The following RGS6 variants were observed in gnomAD, a reference collection of about 807,000 sequenced individuals.
The protein encoded by RGS6 is regulator of G protein signaling 6, also known as regulator of G-protein signaling 6.
Under a neutral mutation model 78.5 loss-of-function variants are expected in RGS6, and 30 were observed. The observed-to-expected ratio is 0.38, with a 90% CI of 0.29 to 0.52. The LOEUF is 0.52. Ranked by LOEUF, RGS6 falls within the 20% of genes least tolerant of loss-of-function variation. The probability of loss-of-function intolerance (pLI) is 0.85; values close to 1 mark genes in which losing one functional copy is unlikely to be tolerated. For missense variants in RGS6, 495 were observed against 609.7 expected (o/e 0.81, Z 1.98); for synonymous variants, 206 against 206.0 (o/e 1.00, Z 0.00).
At chr14:71,928,984 C>A (rs1163010004), upstream of RGS6, among the ~76,000 whole-genome samples, 1 of 151,958 alleles carries the variant, frequency 6.6e-6, no homozygotes, top group Non-Finnish European at 1.5e-5. Flanking sequence ...GTTTTTTAAC[C>A]TTTCATTTTG....
At chr14:72,400,487 G>A (rs1424437887) in intron 3 of RGS6, among the ~76,000 whole-genome samples, 1 of 152,162 alleles carries the variant, frequency 6.6e-6, no homozygotes, top group Non-Finnish European at 1.5e-5. Context: ...AATACTTTGT[G>A]TAAGGCACCT....
At chr14:72,620,052 G>A in the RGS6 span, 296 of 1,429,514 alleles carry the variant, frequency 2.1e-4, no homozygotes, top group African/African-American at 3.6e-3. Flanking sequence ...TCTGGCCCCC[G>A]CTTACCCATC....
intron 2 of RGS6, among the ~76,000 whole-genome samples, chr14:72,109,681 C>T (rs2153543145): frequency 6.6e-6 from 1 of 152,286 alleles, no homozygotes; most frequent in Middle Eastern, 3.4e-3. Context: ...TTTAGATTGA[C>T]TTACAGTATA....
chr14:71,889,677 C>A, the RGS6 span, among the ~76,000 whole-genome samples: 2 of 152,120 alleles, frequency 1.3e-5, no homozygotes, highest in South Asian at 2.1e-4. Context: ...CTGGTGATAA[C>A]TTTTCTATGT....
At chr14:72,624,727 A>G in the RGS6 span, among the ~76,000 whole-genome samples, 1 of 152,034 alleles carries the variant, frequency 6.6e-6, no homozygotes, top group Non-Finnish European at 1.5e-5. Flanking sequence ...TCAATCTGTG[A>G]CAGTTCCTCA....
Position 72,458,351 on chromosome 14 carries a change from G to T in RGS6, c.316G>T (p.Asp106Tyr). 1 of 1,614,108 alleles carries T rather than the reference G, an allele frequency of 6.2e-7. No individual in the cohort carries two copies. Among genetic ancestry groups the T allele is most frequent in the Non-Finnish European group, 8.5e-7 (1 of 1,179,986 alleles). The change falls in exon 5 of 18, where the codon GAT becomes TAT. Residue 106 changes from aspartate (D) to tyrosine (Y), a missense_variant. Transcript: ENST00000553525. ...CTCAGACCATGTTCTCACCATGAAGGATGATGGCACCTTTTATCGTTTCCA... is the reference window on the plus strand; with the variant it reads ...CTCAGACCATGTTCTCACCATGAAGTATGATGGCACCTTTTATCGTTTCCA... ...PISDHVLTMK[D>Y]DGTFYRFQAP...
intron 14 of RGS6, among the ~76,000 whole-genome samples, chr14:72,514,362 G>A (rs1172867753): frequency 6.6e-6 from 1 of 152,216 alleles, no homozygotes. Context: ...TGGTGACTGA[G>A]GGCCTGCCCA....
chr14:72,334,998 G>T (rs2075773466), intron 2 of RGS6, among the ~76,000 whole-genome samples: 1 of 152,108 alleles, frequency 6.6e-6, no homozygotes, highest in South Asian at 2.1e-4. Flanking sequence ...AAGGGACCCA[G>T]TGGGAGGTAA....
chr14:72,175,545 A>G (rs2097093555), intron 2 of RGS6, among the ~76,000 whole-genome samples: 1 of 152,194 alleles, frequency 6.6e-6, no homozygotes, highest in Non-Finnish European at 1.5e-5. Context: ...ATGAAATGAG[A>G]CACATTCCTC....
downstream of RGS6, among the ~76,000 whole-genome samples, chr14:72,566,785 T>G (rs2097713314): frequency 1.3e-5 from 2 of 152,074 alleles, no homozygotes; most frequent in African/African-American, 4.8e-5. Context: ...GGTGTCACCA[T>G]AAGGCTGAAG....
At chr14:72,542,452 G>A (rs1186051504) in intron 17 of RGS6, among the ~76,000 whole-genome samples, 1 of 152,196 alleles carries the variant, frequency 6.6e-6, no homozygotes, top group African/African-American at 2.4e-5. Context: ...TTCTCTAAGA[G>A]AAGATCTACG....
At chr14:72,299,970 T>G (rs2065710370) in intron 2 of RGS6, among the ~76,000 whole-genome samples, 1 of 152,138 alleles carries the variant, frequency 6.6e-6, no homozygotes, top group African/African-American at 2.4e-5. Context: ...ATTTTTCTCT[T>G]TTGTTTGTTA....
intron 3 of RGS6, among the ~76,000 whole-genome samples, chr14:72,407,798 C>T (rs1420677994): frequency 6.6e-6 from 1 of 152,224 alleles, no homozygotes; most frequent in Non-Finnish European, 1.5e-5. Flanking sequence ...CATGGCCTCT[C>T]AACAGATCAA....
the RGS6 span, among the ~76,000 whole-genome samples, chr14:71,915,235 C>A: frequency 2.0e-5 from 3 of 151,066 alleles, no homozygotes; most frequent in Middle Eastern, 3.4e-3. Context: ...CCAACCTGGG[C>A]GACAGAGTGA....
intron 3 of RGS6, among the ~76,000 whole-genome samples, chr14:72,442,765 G>A (rs1206830370): frequency 6.6e-6 from 1 of 152,216 alleles, no homozygotes; most frequent in African/African-American, 2.4e-5. Flanking sequence ...TGGGAGGGGA[G>A]CCTGGATTCA....
chr14:71,953,283 T>A (rs2092500046), intron 1 of RGS6, among the ~76,000 whole-genome samples: 1 of 152,134 alleles, frequency 6.6e-6, no homozygotes, highest in Non-Finnish European at 1.5e-5. Flanking sequence ...AAAATTGTAA[T>A]GTAAAGGGCT....
intron 12 of RGS6, among the ~76,000 whole-genome samples, chr14:72,490,588 A>T (rs1390000778): frequency 1.3e-5 from 2 of 152,196 alleles, no homozygotes; most frequent in African/African-American, 4.8e-5. Context: ...ATTTTCTATC[A>T]CAATGGTCCT....
At chr14:72,019,260 G>A (rs1189498281) in intron 2 of RGS6, among the ~76,000 whole-genome samples, 1 of 152,044 alleles carries the variant, frequency 6.6e-6, no homozygotes, top group African/African-American at 2.4e-5. Flanking sequence ...AATAACAGTG[G>A]GTGTCAAGTG....
At chr14:72,208,372 G>T (rs886979574) in intron 2 of RGS6, among the ~76,000 whole-genome samples, 2 of 152,172 alleles carry the variant, frequency 1.3e-5, no homozygotes, top group African/African-American at 4.8e-5. Flanking sequence ...AGCGATGCCT[G>T]ACCAGCTCTT....
Sources: gnomAD v4.1 joint callset for allele counts (sites outside exome capture counted in the v4.1 genomes callset) on GRCh38, gnomAD v4.1.1 for gene constraint, MANE v1.5 for transcripts, NCBI Gene and HGNC (gene_info 2026-07-23, HGNC 2026-07-21) for gene names.